STXBP4: variants seen among roughly 807,000 people sequenced by gnomAD.
STXBP4 encodes the protein syntaxin binding protein 4, also known as syntaxin-binding protein 4.
In STXBP4, 55 loss-of-function variants were observed where a neutral mutation model predicts 76.1. The ratio of observed to expected loss-of-function variants is 0.72; its 90% CI spans 0.58 to 0.91. STXBP4 has a LOEUF of 0.91. Among genes scored for constraint, STXBP4 ranks in the 40% least tolerant of loss-of-function variants. STXBP4 has a pLI of 0.00. For synonymous variants in STXBP4, 201 were observed against 220.2 expected (o/e 0.91, Z 0.77); for missense variants, 618 against 636.9 (o/e 0.97, Z 0.32).
At chr17:55,153,223 A>G (rs1357982986) in intron 17 of STXBP4, among the ~76,000 whole-genome samples, 2 of 152,214 alleles carry the variant, frequency 1.3e-5, no homozygotes, top group Non-Finnish European at 2.9e-5. Context: ...CTAAGTTGGC[A>G]CTATTAGAAA....
intron 16 of STXBP4, among the ~76,000 whole-genome samples, chr17:55,127,420 T>C (rs2079924559): frequency 6.6e-6 from 1 of 152,184 alleles, no homozygotes; most frequent in South Asian, 2.1e-4. Flanking sequence ...AGGATGTGAC[T>C]TTCTGGGGAT....
Position 55,172,456 on chromosome 17 carries a change from G to A in STXBP4, c.*12545G>A, listed in dbSNP as rs1473836711. On this transcript the variant is annotated 3_prime_UTR_variant, in exon 18 of 18. Transcript: ENST00000376352. ...AAAAACAAAAGTTACTTTCTTGGAT[G>A]CATATATTCTTATAGCCTCAAAACT... The A allele has an allele frequency of 1.3e-5, 2 of 152,190 alleles. No individual in the cohort carries two copies. Among genetic ancestry groups the A allele is most frequent in the Non-Finnish European group, 2.9e-5 (2 of 68,030 alleles). The allele number at this position is 152,190 out of a possible 1,614,324, so 9.4% of individuals were successfully genotyped here.
rs2080410759 is a variant in STXBP4 at position 55,172,240 on chromosome 17, A to G, written c.*12329A>G. The G allele has an allele frequency of 6.6e-6, 1 of 152,372 alleles. No individual in the cohort carries two copies. The highest frequency in any genetic ancestry group is 2.1e-4 in the South Asian group (1 of 4,828). The allele number at this position is 152,372 out of a possible 1,614,324, so 9.4% of individuals were successfully genotyped here. On this transcript the variant is annotated 3_prime_UTR_variant, in exon 18 of 18. Coordinates refer to ENST00000376352, the MANE Select transcript of STXBP4 (RefSeq NM_178509.6). The stretch of plus-strand genomic sequence containing the variant: ...TATATTAAGAGGCTCTTGGTAGCAC[A>G]TTAGAAACACCTGGAGAGATTTTAA...
chr17:55,152,351 C>G (rs1303944616), intron 17 of STXBP4, among the ~76,000 whole-genome samples: 2 of 152,148 alleles, frequency 1.3e-5, no homozygotes, highest in African/African-American at 4.8e-5. Context: ...AATATGACTG[C>G]TGGCACAAAG....
chr17:55,051,482 C>T (rs1246092435), intron 12 of STXBP4, among the ~76,000 whole-genome samples: 2 of 151,998 alleles, frequency 1.3e-5, no homozygotes, highest in African/African-American at 2.4e-5. Context: ...AGTGGTGGGG[C>T]AAAGCAGTTC....
chr17:55,124,722 C>T (rs184548797), intron 16 of STXBP4, among the ~76,000 whole-genome samples: 1 of 152,350 alleles, frequency 6.6e-6, no homozygotes, highest in Admixed American at 6.5e-5. Flanking sequence ...CAAAATATCA[C>T]AGCCTGAGAG....
At chr17:55,001,573 A>C (rs1237062502) in intron 7 of STXBP4, among the ~76,000 whole-genome samples, 1 of 152,220 alleles carries the variant, frequency 6.6e-6, no homozygotes, top group African/African-American at 2.4e-5. Context: ...TATATGCCTA[A>C]TTATAAGGTA....
rs2078504392 is a variant in STXBP4 at position 55,031,213 on chromosome 17, G to C, written c.712G>C (p.Ala238Pro). 2 of 1,613,408 alleles carry C rather than the reference G, an allele frequency of 1.2e-6. No individual in the cohort carries two copies. The highest frequency in any genetic ancestry group is 1.7e-6 in the Non-Finnish European group (2 of 1,179,532). ...GIQPTKEQHQ[A>P]LRQQVQADSK... ...TCAGCCCACAAAGGAACAACACCAA[G>C]CCCTGAGACAGCAAGTACAAGCAGA... The change falls in exon 9 of 18, where the codon GCC becomes CCC. Residue 238 changes from alanine (A) to proline (P), a missense_variant. Transcript: ENST00000376352.
chr17:55,065,887 A>G (rs1357014928), intron 12 of STXBP4, among the ~76,000 whole-genome samples: 1 of 152,150 alleles, frequency 6.6e-6, no homozygotes, highest in Non-Finnish European at 1.5e-5. Context: ...AGCTGCAGGT[A>G]AAAAAAGTTG....
In STXBP4 at chr17:54,987,586, A is replaced by G. The variant is rs116844482; in HGVS notation, c.47+1320A>G. 3.2e-3 allele frequency among the ~76,000 whole-genome samples: 488 copies of G among 152,242 alleles called. 11 individuals carry two copies. Among genetic ancestry groups the G allele is most frequent in the East Asian group, 0.025 (130 of 5,182 alleles). On this transcript the variant is annotated intron_variant, in intron 3 of 17. Coordinates refer to ENST00000376352, the MANE Select transcript of STXBP4 (RefSeq NM_178509.6). ...TAATATTCTATTGTGTGGATGTACCATGGTTTATTCAGCCACTATATTATG... is the reference window on the plus strand; with the variant it reads ...TAATATTCTATTGTGTGGATGTACCGTGGTTTATTCAGCCACTATATTATG...
intron 17 of STXBP4, among the ~76,000 whole-genome samples, chr17:55,156,270 C>T (rs2080275393): frequency 1.3e-5 from 2 of 152,096 alleles, no homozygotes. Context: ...CTGATTTATT[C>T]TCTTATCAGC....
chr17:55,054,504 A>C (rs988582504), intron 12 of STXBP4, among the ~76,000 whole-genome samples: 4 of 152,046 alleles, frequency 2.6e-5, no homozygotes, highest in Admixed American at 2.6e-4. Context: ...AACAAAAACA[A>C]AAACACAGTG....
At chr17:55,001,264 G>A (rs957678381) in intron 7 of STXBP4, among the ~76,000 whole-genome samples, 4 of 152,130 alleles carry the variant, frequency 2.6e-5, no homozygotes, top group African/African-American at 9.7e-5. Context: ...ATAGAAGGGA[G>A]CATACCTTAA....
chr17:55,147,277 G>A (rs757431244), intron 17 of STXBP4, among the ~76,000 whole-genome samples: 12 of 152,196 alleles, frequency 7.9e-5, no homozygotes, highest in Non-Finnish European at 1.6e-4. Flanking sequence ...TCAGTCATCA[G>A]GCATTAGATT....
chr17:55,137,257 C>A (rs996337138), intron 16 of STXBP4, among the ~76,000 whole-genome samples: 4 of 150,790 alleles, frequency 2.7e-5, no homozygotes, highest in African/African-American at 4.9e-5. Context: ...GAGATATCTC[C>A]CCCCACACCT....
At chr17:54,979,949 T>TA (rs778395665) in intron 1 of STXBP4, among the ~76,000 whole-genome samples, 9 of 152,218 alleles carry the variant, frequency 5.9e-5, no homozygotes, top group Non-Finnish European at 8.8e-5. Flanking sequence ...AAAGCCTTTA[T>TA]AGGTCTATTC....
Position 54,990,883 on chromosome 17 carries a change from C to T in STXBP4, c.106C>T (p.Leu36=). 6.2e-7 allele frequency: 1 copy of T among 1,604,786 alleles called. No homozygotes were observed. The highest frequency in any genetic ancestry group is 2.3e-5 in the East Asian group (1 of 44,412). ...AKETGLGLKV[L]GGINRNEGPL... ...GGAAACAGGCCTTGGCCTGAAGGTA[C>T]TAGGAGGAATTAACCGGAATGAAGG... is the stretch of plus-strand genomic sequence containing the variant. The change falls in exon 4 of 18, where the codon CTA becomes TTA. Residue 36 remains leucine (L), a synonymous_variant. Transcript: ENST00000376352.
In STXBP4 at chr17:55,031,138, A is replaced by G. The variant is rs201129924; in HGVS notation, c.667-30A>G. 205 of 1,547,850 alleles carry G rather than the reference A, an allele frequency of 1.3e-4. 2 individuals are homozygous for G. In the East Asian group the frequency reaches 2.0e-3, roughly 15 times the overall value. ...GTTTTATTCTTTGGAGATTTGAAAAATTGCTTTTCATGAGTCCTTTATCTT... is the reference window on the plus strand; with the variant it reads ...GTTTTATTCTTTGGAGATTTGAAAAGTTGCTTTTCATGAGTCCTTTATCTT... On this transcript the variant is annotated intron_variant, in intron 8 of 17. Coordinates refer to ENST00000376352, the MANE Select transcript of STXBP4 (RefSeq NM_178509.6).
chr17:55,073,736 C>G (rs562461657), intron 13 of STXBP4, among the ~76,000 whole-genome samples: 53 of 152,296 alleles, frequency 3.5e-4, no homozygotes, highest in African/African-American at 1.3e-3. Context: ...TCAAGTGATT[C>G]TCCTGCCTCA....
Sources: allele counts gnomAD v4.1 joint callset (sites outside exome capture counted in the v4.1 genomes callset), GRCh38; gene constraint gnomAD v4.1.1; transcripts MANE v1.5; gene names NCBI Gene and HGNC (gene_info 2026-07-23, HGNC 2026-07-21).